Variants in AIFM3 observed in about 807,000 individuals in gnomAD.
AIFM3 encodes the protein AIF family member 3.
A neutral mutation model predicts 82.7 loss-of-function variants in AIFM3; 71 were observed. That is an observed-to-expected ratio of 0.86 (90% CI 0.71 to 1.05). AIFM3 has a LOEUF of 1.05. AIFM3 is among the 50% of genes least tolerant of loss of function. The probability of loss-of-function intolerance (pLI) is 0.00; values close to 1 mark genes in which losing one functional copy is unlikely to be tolerated. For synonymous variants in AIFM3, 337 were observed against 329.1 expected (o/e 1.02, Z -0.26); for missense variants, 748 against 816.7 (o/e 0.92, Z 1.03).
rs760162047 is a variant in AIFM3 at position 20,976,975 on chromosome 22, C to T, written c.1218+37C>T. On this transcript the variant is annotated intron_variant, in intron 13 of 20. Coordinates refer to ENST00000440238, the MANE Select transcript of AIFM3 (RefSeq NM_001386814.1). Reference sequence around the variant, plus strand: ...TCCCTTCTCCCTGCTGCTTTCTGTCCTCTGTCCCCTGAGCCTGGGAGCTGG... The same window carrying T: ...TCCCTTCTCCCTGCTGCTTTCTGTCTTCTGTCCCCTGAGCCTGGGAGCTGG... 2.6e-5 allele frequency: 42 copies of T among 1,613,964 alleles called. No individual in the cohort carries two copies. The South Asian group carries it at 4.1e-4, about 16-fold the overall frequency.
chr22:20,979,189 G>A (rs1601710017), intron 16 of AIFM3, 82 bp from the exon 17 acceptor site: 1 of 1,430,300 alleles, frequency 7.0e-7, no homozygotes, highest in Non-Finnish European at 9.6e-7. Context: ...ACACGTGTCA[G>A]GGGTCCCCAG....
chr22:20,979,435 CG>C, intron 17 of AIFM3, 66 bp downstream of exon 17: 1 of 425,620 alleles, frequency 2.3e-6, no homozygotes, highest in Non-Finnish European at 3.8e-6. Context: ...GGGTGTGGGG[CG>C]GGGCTGGGAG....
intron 2 of AIFM3, among the ~76,000 whole-genome samples, chr22:20,971,618 C>A (rs527954934): frequency 2.0e-5 from 3 of 152,196 alleles, no homozygotes; most frequent in Non-Finnish European, 4.4e-5. Context: ...TTCTTGGTTT[C>A]TGGAGTGTCA....
chr22:20,966,871 C>G (rs1182930568), upstream of AIFM3: 1 of 152,546 alleles, frequency 6.6e-6, no homozygotes, highest in Non-Finnish European at 1.5e-5. Context: ...GGTGGGAGGC[C>G]ACAGGGATGC....
chr22:20,974,025 C>T, intron 4 of AIFM3, 38 bp from the exon 5 acceptor site: 1 of 1,564,104 alleles, frequency 6.4e-7, no homozygotes, highest in Non-Finnish European at 8.6e-7. Flanking sequence ...GGAAGCAACC[C>T]CTGCTGGTGG....
chr22:20,967,613 T>G, intron 1 of AIFM3, 192 bp from the exon 2 acceptor site: 1 of 408,188 alleles, frequency 2.4e-6, no homozygotes, highest in East Asian at 4.4e-5. Context: ...ACTGGAGGAG[T>G]GAGGGAGCTG....
chr22:20,971,131 C>T (rs556317696), intron 2 of AIFM3, among the ~76,000 whole-genome samples: 2 of 152,232 alleles, frequency 1.3e-5, no homozygotes, highest in African/African-American at 4.8e-5. Context: ...AGCAGCCTGG[C>T]TTGGCATTAT....
At chr22:20,970,938 C>T (rs1008910444) in intron 2 of AIFM3, among the ~76,000 whole-genome samples, 3 of 152,244 alleles carry the variant, frequency 2.0e-5, no homozygotes, top group African/African-American at 7.2e-5. Flanking sequence ...TCTTAAGGCC[C>T]AAAGGGGCTA....
At chr22:20,976,598 T>A in intron 11 of AIFM3, 53 bp from the exon 12 acceptor site, 2 of 1,613,014 alleles carry the variant, frequency 1.2e-6, no homozygotes, top group South Asian at 2.2e-5. Flanking sequence ...CCCAGGGAAG[T>A]TCTGGTCGAG....
intron 8 of AIFM3, 91 bp from the exon 9 acceptor site, chr22:20,975,601 C>A: frequency 1.6e-6 from 2 of 1,253,476 alleles, no homozygotes; most frequent in South Asian, 2.4e-5. Context: ...TGTCCTGCAG[C>A]CCCTATGTGA....
intron 9 of AIFM3, 32 bp from the exon 10 acceptor site, chr22:20,976,166 AGGCCCAGCCCCATGCCC>A (rs776021522): frequency 1.4e-6 from 2 of 1,403,898 alleles, no homozygotes; most frequent in South Asian, 3.2e-5. Context: ...GTGGGCGGCG[AGGCCCAGCCCCATGCCC>A]AAGCTCATGC....
intron 1 of AIFM3, 21 bp from the exon 2 acceptor site, chr22:20,967,784 T>G (rs1410500772): frequency 4.2e-6 from 3 of 712,756 alleles, no homozygotes; most frequent in Non-Finnish European, 7.4e-6. Context: ...CCGGTCCTGA[T>G]GGCTCCAGTC....
chr22:20,968,045 C>T (rs975229686), intron 2 of AIFM3, 70 bp downstream of exon 2: 16 of 1,471,396 alleles, frequency 1.1e-5, no homozygotes, highest in South Asian at 7.8e-5. Context: ...TCTCCCCCCC[C>T]TCCCCCTCTG....
chr22:20,967,974 A>G lies in AIFM3; in HGVS notation c.30A>G (p.Pro10=), dbSNP rs749674814. 3 of 1,613,810 alleles carry G rather than the reference A, an allele frequency of 1.9e-6. No individual in the cohort carries two copies. The highest frequency in any genetic ancestry group is 2.5e-6 in the Non-Finnish European group (3 of 1,179,914). Reference sequence around the variant, plus strand: ...GCGGCTGCTTCTCCAAACCCAAACCAGGTACCTCCTGTCTTCTTGTCTCCA... The same window carrying G: ...GCGGCTGCTTCTCCAAACCCAAACCGGGTACCTCCTGTCTTCTTGTCTCCA... The part of the protein sequence containing the change: MGGCFSKPK[P]VELKIEVVLP... The change falls in exon 2 of 21, where the codon CCA becomes CCG. Residue 10 remains proline (P), a splice_region_variant and synonymous_variant. Coordinates refer to ENST00000440238, the MANE Select transcript of AIFM3 (RefSeq NM_001386814.1).
chr22:20,972,300 G>A (rs917976614), intron 2 of AIFM3, among the ~76,000 whole-genome samples: 2 of 151,862 alleles, frequency 1.3e-5, no homozygotes, highest in African/African-American at 4.8e-5. Flanking sequence ...TGCTCAAGAG[G>A]TTGAGGCAGG....
chr22:20,974,118 C>T lies in AIFM3; in HGVS notation c.411C>T (p.Ile137=). 1.2e-6 allele frequency: 2 copies of T among 1,613,304 alleles called. No individual in the cohort carries two copies. The highest frequency in any genetic ancestry group is 1.7e-6 in the Non-Finnish European group (2 of 1,179,936). The change falls in exon 5 of 21, where the codon ATC becomes ATT. Residue 137 remains isoleucine, a synonymous_variant. Coordinates refer to ENST00000440238, the MANE Select transcript of AIFM3 (RefSeq NM_001386814.1). The part of the protein sequence containing the change: ...RCPWHGACFN[I]STGDLEDFPG... Reference sequence around the variant, plus strand: ...CCTGGCACGGCGCCTGCTTCAACATCAGCACTGGGGACCTGGAGGACTTCC... The same window carrying T: ...CCTGGCACGGCGCCTGCTTCAACATTAGCACTGGGGACCTGGAGGACTTCC...
At chr22:20,976,816 G>A (rs2060243470) in intron 12 of AIFM3, 50 bp downstream of exon 12, 3 of 1,594,156 alleles carry the variant, frequency 1.9e-6, no homozygotes, top group African/African-American at 1.3e-5. Context: ...GCCCAGCCCG[G>A]CCCCTGGCTG....
intron 6 of AIFM3, 102 bp downstream of exon 6, chr22:20,974,398 A>C: frequency 6.4e-7 from 1 of 1,567,738 alleles, no homozygotes; most frequent in Non-Finnish European, 8.7e-7. Context: ...GGAGCTTGGC[A>C]CGTGTCACTG....
At chr22:20,972,170 C>T (rs1296943629) in intron 2 of AIFM3, among the ~76,000 whole-genome samples, 4 of 151,970 alleles carry the variant, frequency 2.6e-5, no homozygotes, top group African/African-American at 7.3e-5. Context: ...TTTGGGAGGC[C>T]GAAGCGGGTG....
Sources: allele counts gnomAD v4.1 joint callset (sites outside exome capture counted in the v4.1 genomes callset), GRCh38; gene constraint gnomAD v4.1.1; transcripts MANE v1.5; gene names NCBI Gene and HGNC (gene_info 2026-07-23, HGNC 2026-07-21).